MREG: variants seen among roughly 807,000 people sequenced by gnomAD.
MREG encodes dilute suppressor protein homolog.
A neutral mutation model predicts 28.5 loss-of-function variants in MREG; 31 were observed. The observed-to-expected ratio is 1.09, with a 90% confidence interval of 0.82 to 1.47. The LOEUF is 1.47. MREG is among the 40% of genes most tolerant of loss of function. MREG has a pLI of 0.00. For missense variants in MREG, 256 were observed against 257.4 expected, an observed-to-expected ratio of 0.99 and a Z score of 0.04; for synonymous variants, 106 against 95.2, an observed-to-expected ratio of 1.11 and a Z score of -0.66.
intron 2 of MREG, among the ~76,000 whole-genome samples, chr2:215,967,098 A>C (rs999286647): frequency 6.6e-6 from 1 of 152,186 alleles, no homozygotes; most frequent in East Asian, 1.9e-4. Flanking sequence ...ACTGGTTAAC[A>C]TATTTGTTTA....
intron 1 of MREG, among the ~76,000 whole-genome samples, chr2:216,030,270 T>G (rs1694660027): frequency 6.6e-6 from 1 of 152,210 alleles, no homozygotes; most frequent in South Asian, 2.1e-4. Flanking sequence ...TCATTGTCCT[T>G]GGTGCTGGTC....
chr2:215,958,522 T>C (rs1692694661), intron 2 of MREG, among the ~76,000 whole-genome samples: 2 of 152,226 alleles, frequency 1.3e-5, no homozygotes, highest in Admixed American at 6.5e-5. Flanking sequence ...GCTGCACTGA[T>C]GCAAGCAGCC....
intron 3 of MREG, among the ~76,000 whole-genome samples, chr2:215,946,754 C>A (rs982116333): frequency 2.6e-5 from 4 of 152,218 alleles, no homozygotes; most frequent in African/African-American, 9.6e-5. Context: ...TTAGTGCCCA[C>A]ATGACTGCAC....
chr2:216,009,160 A>G (rs1442255373), intron 1 of MREG, among the ~76,000 whole-genome samples: 1 of 152,190 alleles, frequency 6.6e-6, no homozygotes, highest in Non-Finnish European at 1.5e-5. Flanking sequence ...ACTTTGTTTT[A>G]TGTGTTTCTG....
intron 1 of MREG, among the ~76,000 whole-genome samples, chr2:216,026,174 A>C (rs1450954079): frequency 6.6e-6 from 1 of 152,158 alleles, no homozygotes; most frequent in Admixed American, 6.5e-5. Flanking sequence ...ACTCCAGCTG[A>C]TGGCTGCTGG....
chr2:215,995,326 TC>T (rs1376942171), intron 2 of MREG, among the ~76,000 whole-genome samples: 1 of 152,014 alleles, frequency 6.6e-6, no homozygotes, highest in Non-Finnish European at 1.5e-5. Flanking sequence ...GTGATCCACA[TC>T]TCTAACCCCT....
chr2:215,990,552 C>T (rs1319961774), intron 2 of MREG, among the ~76,000 whole-genome samples: 1 of 152,142 alleles, frequency 6.6e-6, no homozygotes, highest in Non-Finnish European at 1.5e-5. Flanking sequence ...GCAATATTAA[C>T]CTTAAACGTA....
At chr2:215,994,390 C>G (rs972097944) in intron 2 of MREG, among the ~76,000 whole-genome samples, 3 of 151,282 alleles carry the variant, frequency 2.0e-5, no homozygotes, top group Non-Finnish European at 4.4e-5. Context: ...GGGAGGGGAA[C>G]GTCACACACT....
chr2:215,995,883 G>GAA (rs3836040), intron 2 of MREG, among the ~76,000 whole-genome samples: 183 of 148,546 alleles, frequency 1.2e-3, no homozygotes, highest in Admixed American at 2.9e-3. Flanking sequence ...CTTTAAACAG[G>GAA]AAAAAAAAAA....
chr2:215,949,209 G>A (rs35808497), intron 2 of MREG, among the ~76,000 whole-genome samples: 47,511 of 150,204 alleles, frequency 0.32, 8,218 homozygotes, highest in Non-Finnish European at 0.4. Context: ...GTTGCAGTGC[G>A]CAGAGATCGC....
chr2:216,022,916 C>T (rs1305899815), intron 1 of MREG, among the ~76,000 whole-genome samples: 1 of 152,198 alleles, frequency 6.6e-6, no homozygotes, highest in Non-Finnish European at 1.5e-5. Flanking sequence ...AGGAGAAAAC[C>T]TGAGCATCAT....
intron 2 of MREG, among the ~76,000 whole-genome samples, chr2:215,963,517 T>C (rs1692856901): frequency 6.6e-6 from 1 of 151,002 alleles, no homozygotes; most frequent in Non-Finnish European, 1.5e-5. Context: ...ATATAACTGA[T>C]TAAATAAGAC....
At chr2:215,994,914 A>T (rs769647466) in intron 2 of MREG, among the ~76,000 whole-genome samples, 3 of 152,108 alleles carry the variant, frequency 2.0e-5, no homozygotes, top group Non-Finnish European at 2.9e-5. Flanking sequence ...GACACTATAC[A>T]TTATTTCCGT....
At chr2:215,967,750 CAGT>C (rs1692981471) in intron 2 of MREG, among the ~76,000 whole-genome samples, 1 of 152,156 alleles carries the variant, frequency 6.6e-6, no homozygotes, top group African/African-American at 2.4e-5. Context: ...CAGCCATAGT[CAGT>C]ATGTAACCTC....
At chr2:215,963,483 A>G (rs922559658) in intron 2 of MREG, among the ~76,000 whole-genome samples, 1 of 149,364 alleles carries the variant, frequency 6.7e-6, no homozygotes, top group African/African-American at 2.5e-5. Flanking sequence ...TATATTGATT[A>G]CGTGTTGAAA....
chr2:215,957,447 C>T (rs1692654369), intron 2 of MREG, among the ~76,000 whole-genome samples: 1 of 152,052 alleles, frequency 6.6e-6, no homozygotes, highest in Non-Finnish European at 1.5e-5. Flanking sequence ...ACACTCTCCT[C>T]TCCACTTTGT....
At chr2:215,990,064 C>T (rs183089071) in intron 2 of MREG, among the ~76,000 whole-genome samples, 173 of 152,078 alleles carry the variant, frequency 1.1e-3, no homozygotes, top group African/African-American at 4.1e-3. Flanking sequence ...AGCTACTCCT[C>T]GAGAAGAGCA....
At chr2:215,957,636 A>G (rs2105976211) in intron 2 of MREG, among the ~76,000 whole-genome samples, 1 of 152,250 alleles carries the variant, frequency 6.6e-6, no homozygotes, top group African/African-American at 2.4e-5. Flanking sequence ...ACTCCCTGAT[A>G]CTTTTCTGAA....
Position 215,991,109 on chromosome 2 carries a change from A to G in MREG, c.255+5197T>C, listed in dbSNP as rs182308832. 7.2e-5 allele frequency among the ~76,000 whole-genome samples: 11 copies of G among 152,352 alleles called. No individual in the cohort carries two copies. In the East Asian group the frequency reaches 1.9e-3, roughly 27 times the overall value. On this transcript the variant is annotated intron_variant, in intron 2 of 4. Transcript: ENST00000263268. ...GAATATACATTCTTCTCAGCACCAC[A>G]TCACACTTATTCTAAAATTGACCAC...
Sources: gnomAD v4.1 joint callset for allele counts (sites outside exome capture counted in the v4.1 genomes callset) on GRCh38, gnomAD v4.1.1 for gene constraint, MANE v1.5 for transcripts, NCBI Gene and HGNC (gene_info 2026-07-23, HGNC 2026-07-21) for gene names.